Variants in SMCHD1 observed in about 807,000 individuals in gnomAD.
SMCHD1 encodes the protein structural maintenance of chromosomes flexible hinge domain containing 1.
In SMCHD1, 78 loss-of-function variants were observed where a neutral mutation model predicts 254.7. The observed-to-expected ratio is 0.31, with a 90% CI of 0.26 to 0.37. The LOEUF (loss-of-function observed/expected upper bound fraction) is 0.37. Among genes scored for constraint, SMCHD1 ranks in the 10% least tolerant of loss-of-function variants. The pLI, the probability that SMCHD1 is intolerant of heterozygous loss-of-function variation, is 1.00. For missense variants in SMCHD1, 1,840 were observed against 2,408.1 expected (o/e 0.76, Z 4.94); for synonymous variants, 766 against 794.9 (o/e 0.96, Z 0.61).
In SMCHD1 at chr18:2,773,067, A is replaced by G. The variant is rs183174906; in HGVS notation, c.5175+695A>G. ...GGTCTCTCTGACTCTAAAGTCTGTG[A>G]TAGTTTTTTTATATGCCCTATAACT... On this transcript the variant is annotated intron_variant, in intron 41 of 47. Transcript: ENST00000320876. Among the ~76,000 whole-genome samples, 3 of 152,330 alleles carry G rather than the reference A, an allele frequency of 2.0e-5. No homozygotes were observed. The East Asian group carries it at 5.8e-4, about 29-fold the overall frequency.
At chr18:2,666,121 T>G (rs781400637) in intron 1 of SMCHD1, 36 bp from the exon 2 acceptor site, 24 of 935,936 alleles carry the variant, frequency 2.6e-5, no homozygotes, top group Non-Finnish European at 4.0e-5. Flanking sequence ...TTATTTCCTT[T>G]GTGTAATAAG....
intron 25 of SMCHD1, among the ~76,000 whole-genome samples, chr18:2,734,895 C>T (rs1358892671): frequency 6.6e-6 from 1 of 151,760 alleles, no homozygotes; most frequent in Non-Finnish European, 1.5e-5. Context: ...TGGTGAAACC[C>T]CATCTCTACT....
At chr18:2,775,670 A>G in intron 41 of SMCHD1, 64 bp from the exon 42 acceptor site, 3 of 1,402,040 alleles carry the variant, frequency 2.1e-6, no homozygotes, top group Admixed American at 4.6e-5. Flanking sequence ...TTGGGCTTTT[A>G]ACATAATATC....
At chr18:2,800,822 TAACA>T (rs1203446113) in intron 47 of SMCHD1, 1 of 152,156 alleles carries the variant, frequency 6.6e-6, no homozygotes, top group African/African-American at 2.4e-5. Context: ...ATTGTACAAC[TAACA>T]GTCATCACAC....
chr18:2,765,011 A>G (rs2143706198), intron 37 of SMCHD1, among the ~76,000 whole-genome samples: 1 of 152,294 alleles, frequency 6.6e-6, no homozygotes, highest in East Asian at 1.9e-4. Context: ...GCAACACTAT[A>G]TGTGTGAACA....
chr18:2,707,359 T>C (rs943703652), intron 15 of SMCHD1: 22 of 339,528 alleles, frequency 6.5e-5, no homozygotes, highest in Non-Finnish European at 3.2e-5. Context: ...AAGGTTTTTT[T>C]TTTTCTTCTT....
chr18:2,662,171 AAAAAAAAT>A (rs1362172687), intron 1 of SMCHD1, among the ~76,000 whole-genome samples: 40 of 90,286 alleles, frequency 4.4e-4, no homozygotes, highest in African/African-American at 6.4e-4. Flanking sequence ...GTCTCAAAAA[AAAAAAAAT>A]AAAATAAATA....
chr18:2,716,073 C>T (rs2074793309), intron 17 of SMCHD1, among the ~76,000 whole-genome samples: 1 of 151,960 alleles, frequency 6.6e-6, no homozygotes, highest in East Asian at 1.9e-4. Context: ...CTTATTTTTT[C>T]CTTGATGATG....
chr18:2,730,329 C>T (rs2075113399), intron 24 of SMCHD1, among the ~76,000 whole-genome samples: 1 of 152,106 alleles, frequency 6.6e-6, no homozygotes, highest in African/African-American at 2.4e-5. Flanking sequence ...CGCCACCACG[C>T]CTGACTGATT....
chr18:2,677,380 C>T (rs1357387165), intron 5 of SMCHD1, among the ~76,000 whole-genome samples: 1 of 152,060 alleles, frequency 6.6e-6, no homozygotes, highest in African/African-American at 2.4e-5. Flanking sequence ...AGGTAAAATT[C>T]ACATATTATA....
At chr18:2,774,531 C>T (rs763686229) in intron 41 of SMCHD1, among the ~76,000 whole-genome samples, 3 of 152,108 alleles carry the variant, frequency 2.0e-5, no homozygotes, top group Non-Finnish European at 2.9e-5. Context: ...CCCACCTCAG[C>T]ACCCAAGTAG....
At position 2,692,473 on chromosome 18, in the gene SMCHD1, TCCACTA is replaced by T. The variant is rs1468977938; in HGVS notation, c.874-2053_874-2048del. ...CAACTACCCTTTACAATTACTGGCA[TCCACTA>T]GCCATGCAGTTAAAGTTGGTAATCC... is the stretch of plus-strand genomic sequence containing the variant. On this transcript the variant is annotated intron_variant, in intron 7 of 47. Transcript: ENST00000320876. 2.6e-5 allele frequency among the ~76,000 whole-genome samples: 4 copies of T among 152,222 alleles called. No homozygotes were observed. The East Asian group carries it at 7.7e-4, about 29-fold the overall frequency.
At chr18:2,673,686 T>G (rs1033865454) in intron 4 of SMCHD1, among the ~76,000 whole-genome samples, 35 of 152,212 alleles carry the variant, frequency 2.3e-4, no homozygotes, top group African/African-American at 8.2e-4. Flanking sequence ...TGTGTTCTGT[T>G]GTTGAACATT....
Position 2,706,473 on chromosome 18 carries a change from A to T in SMCHD1, c.2063+3A>T. On this transcript the variant is annotated splice_donor_region_variant and intron_variant, in intron 15 of 47. Coordinates refer to ENST00000320876, the MANE Select transcript of SMCHD1 (RefSeq NM_015295.3). ...TATGTAGAAGATGAAATGGCAAGGT[A>T]AGTCACACTTCAAGATGCATGACAA... 1 of 1,566,434 alleles carries T rather than the reference A, an allele frequency of 6.4e-7. No homozygotes were observed. Among genetic ancestry groups the T allele is most frequent in the Non-Finnish European group, 8.7e-7 (1 of 1,151,166 alleles).
In SMCHD1 at chr18:2,802,968, T is replaced by C. The variant is rs1313918782; in HGVS notation, c.*416T>C. ...TTTTTATTACTTTTGCGTGAATTTA[T>C]TTAACAAAGATGTTTTGTCTTTTGT... On this transcript the variant is annotated 3_prime_UTR_variant, in exon 48 of 48. Transcript: ENST00000320876. 1 of 154,476 alleles carries C rather than the reference T, an allele frequency of 6.5e-6. No individual in the cohort carries two copies. The highest frequency in any genetic ancestry group is 2.4e-5 in the African/African-American group (1 of 41,552). The allele number at this position is 154,476 out of a possible 1,614,324, so 9.6% of individuals were successfully genotyped here.
At chr18:2,770,868 A>C (rs1023142235) in intron 39 of SMCHD1, among the ~76,000 whole-genome samples, 1 of 152,098 alleles carries the variant, frequency 6.6e-6, no homozygotes, top group Non-Finnish European at 1.5e-5. Context: ...TGATCTGCCC[A>C]CCTTGGCCCC....
At chr18:2,664,420 C>T (rs2073381132) in intron 1 of SMCHD1, among the ~76,000 whole-genome samples, 1 of 152,108 alleles carries the variant, frequency 6.6e-6, no homozygotes, top group Non-Finnish European at 1.5e-5. Context: ...CCTCCTCCAC[C>T]AGTCTCTTTA....
At chr18:2,711,260 C>T (rs1384765678) in intron 17 of SMCHD1, among the ~76,000 whole-genome samples, 1 of 137,714 alleles carries the variant, frequency 7.3e-6, no homozygotes, top group Non-Finnish European at 1.5e-5. Flanking sequence ...GCCACCATGG[C>T]TCCCTTTTTT....
At position 2,769,835 on chromosome 18, in the gene SMCHD1, A is replaced by G. The variant is rs1282545429; in HGVS notation, c.4846+15A>G. ...GTTTTACAATGGTAAGTTTCTAGGA[A>G]ATAAATGGTTAAACTCCGTTGTTAG... On this transcript the variant is annotated intron_variant, in intron 38 of 47. Coordinates refer to ENST00000320876, the MANE Select transcript of SMCHD1 (RefSeq NM_015295.3). 6.3e-7 allele frequency: 1 copy of G among 1,591,068 alleles called. No homozygotes were observed. Among genetic ancestry groups the G allele is most frequent in the Non-Finnish European group, 8.6e-7 (1 of 1,168,372 alleles).
Sources: allele counts gnomAD v4.1 joint callset (sites outside exome capture counted in the v4.1 genomes callset), GRCh38; gene constraint gnomAD v4.1.1; transcripts MANE v1.5; gene names NCBI Gene and HGNC (gene_info 2026-07-23, HGNC 2026-07-21).